Variants in CDH13 observed in about 807,000 individuals in gnomAD.
The protein encoded by CDH13 is cadherin 13.
Under a neutral mutation model 63.8 loss-of-function variants are expected in CDH13, and 24 were observed. That is an observed-to-expected ratio of 0.38 (90% CI 0.27 to 0.53). The LOEUF (loss-of-function observed/expected upper bound fraction) is 0.53, where lower values mean the gene tolerates loss of function less well. Ranked by LOEUF, CDH13 falls within the 20% of genes least tolerant of loss-of-function variation. CDH13 has a pLI of 0.85. For missense variants in CDH13, 1,049 were observed against 903.1 expected (o/e 1.16, Z -2.07); for synonymous variants, 503 against 355.3 (o/e 1.42, Z -4.67).
chr16:83,495,261 C>T (rs182984162), intron 7 of CDH13, among the ~76,000 whole-genome samples: 47 of 152,190 alleles, frequency 3.1e-4, no homozygotes, highest in Non-Finnish European at 5.1e-4. Flanking sequence ...TACAATGGTT[C>T]GGTCTGGAAA....
At chr16:83,286,518 G>T (rs900088258) in intron 5 of CDH13, among the ~76,000 whole-genome samples, 1 of 152,178 alleles carries the variant, frequency 6.6e-6, no homozygotes, top group East Asian at 1.9e-4. Context: ...CACTTTGGGA[G>T]GCCAAGGCAG....
intron 2 of CDH13, among the ~76,000 whole-genome samples, chr16:82,887,932 C>T (rs528062039): frequency 2.6e-5 from 4 of 152,078 alleles, no homozygotes; most frequent in Admixed American, 6.5e-5. Context: ...GCATGGAAGC[C>T]CATTCTGGAA....
chr16:83,404,983 T>C (rs1216471915), intron 6 of CDH13, among the ~76,000 whole-genome samples: 2 of 152,174 alleles, frequency 1.3e-5, no homozygotes, highest in Non-Finnish European at 2.9e-5. Context: ...AGTAGCCCAT[T>C]ATCTCAGGAC....
chr16:83,354,121 G>A (rs77254743), intron 6 of CDH13, among the ~76,000 whole-genome samples: 370 of 152,310 alleles, frequency 2.4e-3, no homozygotes, highest in African/African-American at 8.6e-3. Context: ...GGAATTTCTA[G>A]CGAAAATGAA....
chr16:83,560,899 G>GCCCC (rs138383978), intron 7 of CDH13, among the ~76,000 whole-genome samples: 6 of 148,576 alleles, frequency 4.0e-5, no homozygotes, highest in East Asian at 2.0e-4. Context: ...CATAAGGTTG[G>GCCCC]CCCCCCCCCC....
chr16:82,985,703 C>G (rs1402213646), intron 2 of CDH13, among the ~76,000 whole-genome samples: 1 of 152,128 alleles, frequency 6.6e-6, no homozygotes, highest in Non-Finnish European at 1.5e-5. Context: ...TTGTCCCCAT[C>G]CAAATTTCAT....
chr16:83,077,947 C>CT (rs1273252441), intron 3 of CDH13, among the ~76,000 whole-genome samples: 1 of 152,172 alleles, frequency 6.6e-6, no homozygotes, highest in East Asian at 1.9e-4. Context: ...GTTACCCTAA[C>CT]TACCCATATG....
intron 3 of CDH13, among the ~76,000 whole-genome samples, chr16:83,034,883 G>A (rs907995806): frequency 6.6e-6 from 1 of 152,028 alleles, no homozygotes; most frequent in African/African-American, 2.4e-5. Context: ...GCTGTTTCTC[G>A]CTTGCTGCTG....
At chr16:83,273,392 G>A (rs1360163718) in intron 5 of CDH13, among the ~76,000 whole-genome samples, 1 of 151,940 alleles carries the variant, frequency 6.6e-6, no homozygotes, top group African/African-American at 2.4e-5. Flanking sequence ...GTGTCTATGA[G>A]TGAGTACTCA....
chr16:82,828,471 G>T (rs1000104462), intron 1 of CDH13, among the ~76,000 whole-genome samples: 1 of 152,040 alleles, frequency 6.6e-6, no homozygotes, highest in African/African-American at 2.4e-5. Context: ...AGAAACCTCA[G>T]CTAGGAGTGT....
At chr16:83,191,249 T>C (rs961439925) in intron 4 of CDH13, among the ~76,000 whole-genome samples, 5 of 145,402 alleles carry the variant, frequency 3.4e-5, no homozygotes, top group Admixed American at 1.4e-4. Flanking sequence ...TGGGACAGAA[T>C]AAGCCTGTAA....
intron 7 of CDH13, among the ~76,000 whole-genome samples, chr16:83,585,767 C>A (rs944397688): frequency 1.3e-5 from 2 of 151,938 alleles, no homozygotes; most frequent in African/African-American, 2.4e-5. Flanking sequence ...CCAGCCCAAC[C>A]CATACAGGGC....
At chr16:83,580,390 C>G (rs756598275) in intron 7 of CDH13, among the ~76,000 whole-genome samples, 10 of 150,520 alleles carry the variant, frequency 6.6e-5, no homozygotes, top group Non-Finnish European at 1.5e-4. Flanking sequence ...CAGGAAGGTC[C>G]AAAATCTAAG....
chr16:83,193,390 C>T (rs560379216), intron 4 of CDH13, among the ~76,000 whole-genome samples: 2 of 152,168 alleles, frequency 1.3e-5, no homozygotes, highest in Admixed American at 1.3e-4. Flanking sequence ...ATCGCAAGCC[C>T]TGCATGCCAG....
At chr16:83,667,657 C>T (rs1308299471) in intron 8 of CDH13, among the ~76,000 whole-genome samples, 2 of 152,092 alleles carry the variant, frequency 1.3e-5, no homozygotes, top group Non-Finnish European at 2.9e-5. Flanking sequence ...TTCTTCACAT[C>T]ACAAAAATAA....
rs554670189 is a variant in CDH13, at chr16:83,037,667, G to C, written c.366+5449G>C. On this transcript the variant is annotated intron_variant, in intron 3 of 13. Coordinates refer to ENST00000567109, the MANE Select transcript of CDH13 (RefSeq NM_001257.5). ...GGGACATCTTTATAGAGATGTCCAG[G>C]AGTCAATGGACAATGTGGGACTGGC... is the stretch of plus-strand genomic sequence containing the variant. 1.1e-3 allele frequency among the ~76,000 whole-genome samples: 165 copies of C among 152,276 alleles called. 1 individual carries two copies. The highest frequency in any genetic ancestry group is 1.3e-3 in the Non-Finnish European group (89 of 68,024).
Position 83,796,408 on chromosome 16 carries a change from CTA to C in CDH13, c.*1380_*1381del, listed in dbSNP as rs1904281352. 1 of 152,192 alleles carries C rather than the reference CTA, an allele frequency of 6.6e-6. No homozygotes were observed. 9.4% of individuals were successfully genotyped at this position (152,192 alleles called of 1,614,324 possible). A position where few individuals can be genotyped will look rare whatever the true frequency, so the allele number is the denominator to read the frequency against. On this transcript the variant is annotated 3_prime_UTR_variant, in exon 14 of 14. Transcript: ENST00000567109. ...ACACACACACGCTTTCTTATGCAATCTATGTTTGCACTTGTGCTTTCAGTTAG... is the reference window on the plus strand; with the variant it reads ...ACACACACACGCTTTCTTATGCAATCTGTTTGCACTTGTGCTTTCAGTTAG...
chr16:83,359,942 G>C (rs548743628), intron 6 of CDH13, among the ~76,000 whole-genome samples: 1 of 152,166 alleles, frequency 6.6e-6, no homozygotes, highest in African/African-American at 2.4e-5. Context: ...ATTAGACGTC[G>C]TTCCTTATAG....
At chr16:83,030,954 TGAAA>T (rs1285515893) in intron 2 of CDH13, among the ~76,000 whole-genome samples, 1 of 151,740 alleles carries the variant, frequency 6.6e-6, no homozygotes, top group Non-Finnish European at 1.5e-5. Context: ...GGACTGAGCA[TGAAA>T]GAAATATAGT....
Sources: allele counts gnomAD v4.1 joint callset (sites outside exome capture counted in the v4.1 genomes callset), GRCh38; gene constraint gnomAD v4.1.1; transcripts MANE v1.5; gene names NCBI Gene and HGNC (gene_info 2026-07-23, HGNC 2026-07-21).